The following HS3ST4 variants were observed in gnomAD, a reference collection of about 807,000 sequenced individuals.
The protein encoded by HS3ST4 is heparan sulfate glucosamine 3-O-sulfotransferase 4.
A neutral mutation model predicts 29.2 loss-of-function variants in HS3ST4; 17 were observed. The ratio of observed to expected loss-of-function variants is 0.58; its 90% confidence interval spans 0.40 to 0.87. HS3ST4 has a LOEUF of 0.87. HS3ST4 is among the 40% of genes least tolerant of loss of function. The pLI is 0.00. For missense variants in HS3ST4, 627 were observed against 634.5 expected, an observed-to-expected ratio of 0.99 and a Z score of 0.13; for synonymous variants, 314 against 285.7, an observed-to-expected ratio of 1.10 and a Z score of -1.00.
intron 1 of HS3ST4, among the ~76,000 whole-genome samples, chr16:25,720,182 C>G (rs1016216234): frequency 5.9e-5 from 9 of 152,096 alleles, no homozygotes; most frequent in African/African-American, 2.2e-4. Context: ...ATGTGGAAAT[C>G]TGGAAGAAGG....
At chr16:25,972,220 C>T (rs540716540) in intron 1 of HS3ST4, among the ~76,000 whole-genome samples, 12 of 152,258 alleles carry the variant, frequency 7.9e-5, no homozygotes, top group African/African-American at 2.9e-4. Context: ...CTGTAACAGG[C>T]GGTTGTATGG....
At chr16:26,097,640 G>T (rs1898942165) in intron 1 of HS3ST4, among the ~76,000 whole-genome samples, 1 of 152,062 alleles carries the variant, frequency 6.6e-6, no homozygotes, top group African/African-American at 2.4e-5. Flanking sequence ...CTAGAAGCAA[G>T]CCTAGGCAAT....
intron 1 of HS3ST4, among the ~76,000 whole-genome samples, chr16:25,772,794 C>G (rs1966844101): frequency 1.3e-5 from 2 of 152,182 alleles, no homozygotes; most frequent in Non-Finnish European, 2.9e-5. Flanking sequence ...AAACGTTTGA[C>G]ATTTCATTTT....
At chr16:25,948,481 G>C (rs12448631) in intron 1 of HS3ST4, among the ~76,000 whole-genome samples, 10,405 of 152,000 alleles carry the variant, frequency 0.068, 494 homozygotes, top group Non-Finnish European at 0.092. Flanking sequence ...CCCTCTTCAT[G>C]TATAAATTCC....
intron 1 of HS3ST4, among the ~76,000 whole-genome samples, chr16:25,899,115 C>G (rs1424926211): frequency 2.6e-5 from 4 of 152,214 alleles, no homozygotes; most frequent in Non-Finnish European, 5.9e-5. Flanking sequence ...TTTGCATCTG[C>G]TGTTCTCCAT....
chr16:25,803,961 TC>T, intron 1 of HS3ST4, among the ~76,000 whole-genome samples: 1 of 152,018 alleles, frequency 6.6e-6, no homozygotes, highest in East Asian at 1.9e-4. Flanking sequence ...TCCTTCCCTC[TC>T]CTCCTCACCT....
intron 1 of HS3ST4, among the ~76,000 whole-genome samples, chr16:25,954,686 A>G (rs1296328181): frequency 6.6e-6 from 1 of 152,224 alleles, no homozygotes; most frequent in Non-Finnish European, 1.5e-5. Context: ...AAATGCTTCA[A>G]AATCTGAAAC....
rs4787809 is a variant in HS3ST4, at chr16:26,070,019, G to C, written c.735-65593G>C. 4.6e-5 allele frequency among the ~76,000 whole-genome samples: 7 copies of C among 152,074 alleles called. No individual in the cohort carries two copies. In the East Asian group the frequency reaches 1.4e-3, roughly 29 times the overall value. ...GCGAATAGTGCCATAATAAACATAC[G>C]TGTGCATATGTCTTTACAGCAGCAT... On this transcript the variant is annotated intron_variant, in intron 1 of 1. Transcript: ENST00000331351.
chr16:25,735,555 A>G (rs117886946), intron 1 of HS3ST4, among the ~76,000 whole-genome samples: 2,320 of 152,118 alleles, frequency 0.015, 22 homozygotes, highest in Middle Eastern at 0.041. Flanking sequence ...CAACGGGCCC[A>G]TTTTAAAAGT....
chr16:26,070,019 G>A (rs4787809), intron 1 of HS3ST4, among the ~76,000 whole-genome samples: 1,850 of 152,188 alleles, frequency 0.012, 114 homozygotes, highest in Admixed American at 0.11. Context: ...ATAAACATAC[G>A]TGTGCATATG....
chr16:25,902,516 A>G (rs11640710), intron 1 of HS3ST4, among the ~76,000 whole-genome samples: 3 of 151,788 alleles, frequency 2.0e-5, no homozygotes, highest in African/African-American at 7.3e-5. Context: ...AGATGAAACC[A>G]TAGAAAAGAC....
chr16:25,973,697 A>G (rs998782536), intron 1 of HS3ST4, among the ~76,000 whole-genome samples: 1 of 152,166 alleles, frequency 6.6e-6, no homozygotes, highest in African/African-American at 2.4e-5. Flanking sequence ...TACTTTGACA[A>G]TTACACACAT....
At chr16:25,737,059 T>G (rs1966614563) in intron 1 of HS3ST4, among the ~76,000 whole-genome samples, 1 of 151,922 alleles carries the variant, frequency 6.6e-6, no homozygotes, top group Non-Finnish European at 1.5e-5. Flanking sequence ...TAACTTTTAT[T>G]TTAGATTTGG....
intron 1 of HS3ST4, among the ~76,000 whole-genome samples, chr16:25,729,679 T>C (rs989566973): frequency 1.3e-5 from 2 of 152,230 alleles, no homozygotes; most frequent in African/African-American, 2.4e-5. Flanking sequence ...CCCTGAGTTA[T>C]TATATCTTGC....
chr16:25,692,786 C>A lies in HS3ST4; in HGVS notation c.369C>A (p.Thr123=). The A allele has an allele frequency of 7.3e-7, 1 of 1,365,850 alleles. No individual in the cohort carries two copies. Among genetic ancestry groups the A allele is most frequent in the South Asian group, 1.8e-5 (1 of 55,074 alleles). 84.6% of individuals were successfully genotyped at this position (1,365,850 alleles called of 1,614,324 possible). Residue 123 remains threonine (T), a synonymous_variant, in exon 1 of 2, where the codon ACC becomes ACA. Transcript: ENST00000331351. ...EPPEQPAAPG[T]DGWGLPSGGG... is the part of the protein sequence containing the mutation. The stretch of plus-strand genomic sequence containing the variant: ...CAGAGCAGCCAGCCGCCCCCGGGAC[C>A]GACGGCTGGGGGCTGCCGAGCGGCG...
chr16:26,118,995 T>G (rs1899235997), intron 1 of HS3ST4, among the ~76,000 whole-genome samples: 1 of 152,254 alleles, frequency 6.6e-6, no homozygotes, highest in Non-Finnish European at 1.5e-5. Context: ...ATGGTCTTTA[T>G]GTATATTGGC....
intron 1 of HS3ST4, among the ~76,000 whole-genome samples, chr16:25,952,367 G>C (rs1224460586): frequency 6.6e-6 from 1 of 152,178 alleles, no homozygotes; most frequent in Non-Finnish European, 1.5e-5. Context: ...ATATAGGGGG[G>C]TATGCAGTCT....
chr16:25,754,046 G>C (rs1386076308), intron 1 of HS3ST4, among the ~76,000 whole-genome samples: 1 of 152,176 alleles, frequency 6.6e-6, no homozygotes, highest in Non-Finnish European at 1.5e-5. Context: ...TGACTTGGTT[G>C]TGGTTCTTAT....
intron 1 of HS3ST4, among the ~76,000 whole-genome samples, chr16:25,870,092 ATCCATCTG>A (rs56191909): frequency 0.27 from 40,187 of 151,482 alleles, 5,773 homozygotes; most frequent in East Asian, 0.42. Context: ...CCATTCCTCC[ATCCATCTG>A]TCCATCTATC....
Sources: allele counts gnomAD v4.1 joint callset (sites outside exome capture counted in the v4.1 genomes callset), GRCh38; gene constraint gnomAD v4.1.1; transcripts MANE v1.5; gene names NCBI Gene and HGNC (gene_info 2026-07-23, HGNC 2026-07-21).